CSNK2A1: variants seen among roughly 807,000 people sequenced by gnomAD.
The protein encoded by CSNK2A1 is casein kinase II subunit alpha.
In CSNK2A1, 10 loss-of-function variants were observed where a neutral mutation model predicts 62.9. The ratio of observed to expected loss-of-function variants is 0.16; its 90% CI spans 0.10 to 0.27. The LOEUF is 0.27. CSNK2A1 is among the 10% of genes least tolerant of loss of function. CSNK2A1 has a pLI of 1.00. For synonymous variants in CSNK2A1, 124 were observed against 167.8 expected, an observed-to-expected ratio of 0.74 and a Z score of 2.02; for missense variants, 160 against 492.0, an observed-to-expected ratio of 0.33 and a Z score of 6.38.
chr20:501,555 AC>A (rs1190314367), intron 4 of CSNK2A1: 1 of 152,184 alleles, frequency 6.6e-6, no homozygotes, highest in Non-Finnish European at 1.5e-5. Flanking sequence ...AATCTATTTT[AC>A]CTTTTTTTGT....
In CSNK2A1 at chr20:480,533, T is replaced by A. The variant is rs1432795140; in HGVS notation, c.*3428A>T. On this transcript the variant is annotated 3_prime_UTR_variant, in exon 14 of 14. Coordinates refer to ENST00000217244, the MANE Select transcript of CSNK2A1 (RefSeq NM_177559.3). The stretch of plus-strand genomic sequence containing the variant: ...AAATAATACAACAAAAGTTCAGGTG[T>A]TCTGAGGAAAAAGAAGGGCAAGGGT... 6.6e-6 allele frequency: 1 copy of A among 151,886 alleles called. No individual in the cohort carries two copies. The highest frequency in any genetic ancestry group is 1.9e-4 in the East Asian group (1 of 5,188). 9.4% of individuals were successfully genotyped at this position (151,886 alleles called of 1,614,324 possible). A position where few individuals can be genotyped will look rare whatever the true frequency, so the allele number is the denominator to read the frequency against.
chr20:543,625 G>A, intron 1 of CSNK2A1, 47 bp downstream of exon 1: 1 of 397,602 alleles, frequency 2.5e-6, no homozygotes, highest in East Asian at 3.6e-5. Flanking sequence ...CCCTATCCTG[G>A]GCCCACCCCA....
At chr20:513,401 G>A (rs1346416895) in intron 2 of CSNK2A1, among the ~76,000 whole-genome samples, 3 of 152,196 alleles carry the variant, frequency 2.0e-5, no homozygotes, top group Non-Finnish European at 4.4e-5. Flanking sequence ...AACATGAAAT[G>A]CATGTAAATT....
intron 8 of CSNK2A1, among the ~76,000 whole-genome samples, chr20:492,868 G>A (rs1286917752): frequency 6.6e-6 from 1 of 152,080 alleles, no homozygotes; most frequent in African/African-American, 2.4e-5. Context: ...TGGTATACAG[G>A]AGAAAAATGA....
chr20:491,409 G>A (rs1468974848), intron 9 of CSNK2A1, among the ~76,000 whole-genome samples: 1 of 152,186 alleles, frequency 6.6e-6, no homozygotes, highest in African/African-American at 2.4e-5. Context: ...GCTCATGCCT[G>A]TAATCTCAGC....
At position 474,385 on chromosome 20, in the gene CSNK2A1, A is replaced by C. The variant is rs774663684; in HGVS notation, c.*9576T>G. On this transcript the variant is annotated 3_prime_UTR_variant, in exon 14 of 14. Coordinates refer to ENST00000217244, the MANE Select transcript of CSNK2A1 (RefSeq NM_177559.3). ...TTTGGTTGCAGGTGTCAGATGAATC[A>C]GGAATTGAGACGAGATGGGAAGGCA... 2.0e-5 allele frequency: 3 copies of C among 152,174 alleles called. No homozygotes were observed. The highest frequency in any genetic ancestry group is 4.8e-5 in the African/African-American group (2 of 41,438). 9.4% of individuals were successfully genotyped at this position (152,174 alleles called of 1,614,324 possible). A position where few individuals can be genotyped will look rare whatever the true frequency, so the allele number is the denominator to read the frequency against.
chr20:490,328 G>GTTTTTTCTT (rs2018192382), intron 9 of CSNK2A1, among the ~76,000 whole-genome samples: 1 of 48,446 alleles, frequency 2.1e-5, no homozygotes, highest in Non-Finnish European at 3.8e-5. Flanking sequence ...TGCCTGGCTA[G>GTTTTTTCTT]TTTTTTCTTT....
intron 2 of CSNK2A1, among the ~76,000 whole-genome samples, chr20:515,790 G>C (rs1452446215): frequency 2.0e-5 from 3 of 152,046 alleles, no homozygotes; most frequent in South Asian, 2.1e-4. Flanking sequence ...AATTAATCTT[G>C]GTTTATTTTT....
intron 13 of CSNK2A1, among the ~76,000 whole-genome samples, chr20:486,050 A>T (rs1294001548): frequency 1.3e-5 from 2 of 152,140 alleles, no homozygotes. Flanking sequence ...ATTTCTTAAC[A>T]TTGTTTCTAA....
intron 1 of CSNK2A1, among the ~76,000 whole-genome samples, chr20:536,323 G>A (rs1195819806): frequency 1.3e-5 from 2 of 152,180 alleles, no homozygotes; most frequent in African/African-American, 4.8e-5. Flanking sequence ...TTCTCCGAAA[G>A]GGAAGGGAAA....
intron 4 of CSNK2A1, chr20:503,455 G>A (rs2018510951): frequency 2.5e-6 from 1 of 398,562 alleles, no homozygotes; most frequent in Non-Finnish European, 4.4e-6. Flanking sequence ...GGTTCTCAAA[G>A]GGCATGTGAA....
chr20:512,795 T>C (rs906951046), intron 2 of CSNK2A1, among the ~76,000 whole-genome samples: 1 of 152,216 alleles, frequency 6.6e-6, no homozygotes, highest in African/African-American at 2.4e-5. Flanking sequence ...TTTAAAATTA[T>C]TTCTATTTCT....
At chr20:542,647 G>A (rs2019476860) in intron 1 of CSNK2A1, among the ~76,000 whole-genome samples, 1 of 152,088 alleles carries the variant, frequency 6.6e-6, no homozygotes, top group Non-Finnish European at 1.5e-5. Context: ...TGGTCAGGCT[G>A]GTCTCGAACT....
rs1402352999 is a variant in CSNK2A1, at chr20:474,399, G to C, written c.*9562C>G. The C allele has an allele frequency of 6.6e-6, 1 of 152,144 alleles. No individual in the cohort carries two copies. Among genetic ancestry groups the C allele is most frequent in the Non-Finnish European group, 1.5e-5 (1 of 68,024 alleles). The allele number at this position is 152,144 out of a possible 1,614,324, so 9.4% of individuals were successfully genotyped here. A position where few individuals can be genotyped will look rare whatever the true frequency, so the allele number is the denominator to read the frequency against. On this transcript the variant is annotated 3_prime_UTR_variant, in exon 14 of 14. Coordinates refer to ENST00000217244, the MANE Select transcript of CSNK2A1 (RefSeq NM_177559.3). Reference sequence around the variant, plus strand: ...TCAGATGAATCAGGAATTGAGACGAGATGGGAAGGCATCAAGACCAGTTAT... The same window carrying C: ...TCAGATGAATCAGGAATTGAGACGACATGGGAAGGCATCAAGACCAGTTAT...
In CSNK2A1 at chr20:528,011, C is replaced by T. The variant is rs1815057556; in HGVS notation, c.-188G>A. 1 of 152,146 alleles carries T rather than the reference C, an allele frequency of 6.6e-6. No individual in the cohort carries two copies. The highest frequency in any genetic ancestry group is 2.4e-5 in the African/African-American group (1 of 41,424). The allele number at this position is 152,146 out of a possible 1,614,324, so 9.4% of individuals were successfully genotyped here. On this transcript the variant is annotated 5_prime_UTR_variant, in exon 2 of 14. Coordinates refer to ENST00000217244, the MANE Select transcript of CSNK2A1 (RefSeq NM_177559.3). ...ATGAGGTTCCACGCTGCATGATTTA[C>T]CATGTGATGAGCACACTGCTTGACA...
At chr20:540,153 CAGT>C (rs2019417934) in intron 1 of CSNK2A1, 1 of 152,216 alleles carries the variant, frequency 6.6e-6, no homozygotes, top group Non-Finnish European at 1.5e-5. Context: ...TGCTTCCTAT[CAGT>C]AGAATTTGGG....
Position 479,655 on chromosome 20 carries a change from T to C in CSNK2A1, c.*4306A>G, listed in dbSNP as rs1377091318. ...TTACATTGCTTCTCTAATGGTTAAA[T>C]TTAGCACAGAATCAAAGGAGAGCTA... On this transcript the variant is annotated 3_prime_UTR_variant, in exon 14 of 14. Coordinates refer to ENST00000217244, the MANE Select transcript of CSNK2A1 (RefSeq NM_177559.3). 6.6e-6 allele frequency: 1 copy of C among 152,246 alleles called. No individual in the cohort carries two copies. The highest frequency in any genetic ancestry group is 1.5e-5 in the Non-Finnish European group (1 of 68,042). The allele number at this position is 152,246 out of a possible 1,614,324, so 9.4% of individuals were successfully genotyped here. A position where few individuals can be genotyped will look rare whatever the true frequency, so the allele number is the denominator to read the frequency against.
intron 2 of CSNK2A1, among the ~76,000 whole-genome samples, chr20:521,898 A>C (rs2018956835): frequency 6.6e-6 from 1 of 152,200 alleles, no homozygotes; most frequent in Admixed American, 6.5e-5. Context: ...CAACATGGTG[A>C]ATCTTAAAAG....
intron 7 of CSNK2A1, chr20:496,233 C>G: frequency 6.0e-6 from 1 of 166,568 alleles, no homozygotes; most frequent in Non-Finnish European, 1.3e-5. Context: ...CCAAATTTGG[C>G]CTGATGTCTG....
Sources: allele counts gnomAD v4.1 joint callset (sites outside exome capture counted in the v4.1 genomes callset), GRCh38; gene constraint gnomAD v4.1.1; transcripts MANE v1.5; gene names NCBI Gene and HGNC (gene_info 2026-07-23, HGNC 2026-07-21).